RGPD8: variants seen among roughly 807,000 people sequenced by gnomAD.
RGPD8 encodes RANBP2 like and GRIP domain containing 8.
In RGPD8, 15 loss-of-function variants were observed where a neutral mutation model predicts 89.1. The ratio of observed to expected loss-of-function variants is 0.17; its 90% CI spans 0.11 to 0.26. The LOEUF (loss-of-function observed/expected upper bound fraction) is 0.26. RGPD8 is among the 10% of genes least tolerant of loss of function. RGPD8 has a pLI of 1.00. For synonymous variants in RGPD8, 62 were observed against 420.9 expected, an observed-to-expected ratio of 0.15 and a Z score of 10.44; for missense variants, 178 against 1,179.6, an observed-to-expected ratio of 0.15 and a Z score of 12.44.
In RGPD8 at chr2:112,433,280, G is replaced by C. The variant is rs1466499605; in HGVS notation, c.72+102C>G. ...AGCGCGCCAGGGAGCAGCGCCCGTC[G>C]GGAGCCATGACCCCTGACCCATCGA... On this transcript the variant is annotated intron_variant, in intron 1 of 22. Transcript: ENST00000302558. 8 of 1,291,920 alleles carry C rather than the reference G, an allele frequency of 6.2e-6. No individual in the cohort carries two copies. In the East Asian group the frequency reaches 1.7e-4, roughly 28 times the overall value. The allele number at this position is 1,291,920 out of a possible 1,614,324, so 80.0% of individuals were successfully genotyped here.
At chr2:112,417,151 A>G in intron 6 of RGPD8, 42 bp downstream of exon 6, 1 of 1,607,972 alleles carries the variant, frequency 6.2e-7, no homozygotes, top group Non-Finnish European at 8.5e-7. Flanking sequence ...AAAAAGAAAA[A>G]CTGCAATTTA....
intron 6 of RGPD8, among the ~76,000 whole-genome samples, chr2:112,416,105 A>AAG (rs1445042383): frequency 4.1e-3 from 604 of 146,802 alleles, no homozygotes; most frequent in African/African-American, 0.015. Flanking sequence ...AAAAAAAAAA[A>AAG]AAAAAAGAAA....
chr2:112,371,122 G>T (rs1441746272), intron 22 of RGPD8, among the ~76,000 whole-genome samples: 2 of 149,754 alleles, frequency 1.3e-5, no homozygotes, highest in East Asian at 3.9e-4. Context: ...AGATTTATGG[G>T]AAACCTTAAA....
chr2:112,426,080 T>C (rs1679756496), intron 1 of RGPD8, among the ~76,000 whole-genome samples: 1 of 151,914 alleles, frequency 6.6e-6, no homozygotes, highest in Admixed American at 6.6e-5. Flanking sequence ...AGATTTGTTC[T>C]TACCATAGAT....
intron 1 of RGPD8, among the ~76,000 whole-genome samples, chr2:112,428,054 A>G (rs1303138495): frequency 6.6e-6 from 1 of 152,304 alleles, no homozygotes; most frequent in Non-Finnish European, 1.5e-5. Context: ...TCCCAATTGA[A>G]AGGACACTTC....
chr2:112,390,039 A>G lies in RGPD8; in HGVS notation c.2906T>C (p.Phe969Ser), dbSNP rs1382785284. 1 of 1,579,302 alleles carries G rather than the reference A, an allele frequency of 6.3e-7. No homozygotes were observed. The highest frequency in any genetic ancestry group is 8.6e-7 in the Non-Finnish European group (1 of 1,157,930). Residue 969 changes from phenylalanine (F) to serine (S), a missense_variant, in exon 20 of 23, where the codon TTT (phenylalanine) becomes TCT (serine). Coordinates refer to ENST00000302558, the MANE Select transcript of RGPD8 (RefSeq NM_001164463.1). ...GVIFGQTSST[F>S]TFADVAKSTS... is the part of the protein sequence containing the mutation. ...TGATTTTGCAACATCTGCAAATGTA[A>G]AAGTGCTACTTGTTTGGCCAAAAAT...
rs777501035 is a variant in RGPD8, at chr2:112,380,913, G to T, written c.4972C>A (p.Leu1658Ile). The change falls in exon 21 of 23, where the codon CTC becomes ATC. Residue 1658 changes from leucine to isoleucine, a missense_variant. Leu to Ile is a conservative substitution (Grantham distance 5). Coordinates refer to ENST00000302558, the MANE Select transcript of RGPD8 (RefSeq NM_001164463.1). ...TCTGCACTTTTTGTGGTGGAACGGA[G>T]CTTCTGAACCAATTCTTCTTTGGTA... ...EFTKEELVQK[L>I]RSTTKSADHL... is the part of the protein sequence containing the mutation. The T allele has an allele frequency of 8.2e-7, 1 of 1,220,662 alleles. No individual in the cohort carries two copies. The highest frequency in any genetic ancestry group is 1.4e-5 in the South Asian group (1 of 73,276). 75.6% of individuals were successfully genotyped at this position (1,220,662 alleles called of 1,614,324 possible).
At chr2:112,423,979 G>A (rs544226581) in intron 2 of RGPD8, among the ~76,000 whole-genome samples, 60 of 152,282 alleles carry the variant, frequency 3.9e-4, no homozygotes, top group African/African-American at 1.4e-3. Context: ...TCCAACAGAA[G>A]ACAATTTTTA....
At chr2:112,374,769 A>C (rs796643143) in intron 22 of RGPD8, among the ~76,000 whole-genome samples, 1,250 of 118,638 alleles carry the variant, frequency 0.011, no homozygotes, top group East Asian at 0.033. Context: ...TAGTAAAAAC[A>C]TGTTTGATGT....
intron 1 of RGPD8, among the ~76,000 whole-genome samples, chr2:112,429,741 C>T (rs1358328343): frequency 2.0e-5 from 3 of 152,016 alleles, no homozygotes; most frequent in Admixed American, 6.5e-5. Context: ...ATCGACTTGA[C>T]AGAACATAGA....
At chr2:112,421,059 TG>T in intron 4 of RGPD8, among the ~76,000 whole-genome samples, 1 of 150,956 alleles carries the variant, frequency 6.6e-6, no homozygotes, top group East Asian at 1.9e-4. Context: ...AGCATTTCTT[TG>T]AGCATCATGT....
intron 1 of RGPD8, among the ~76,000 whole-genome samples, chr2:112,425,684 G>A (rs564349362): frequency 1.5e-4 from 23 of 151,508 alleles, no homozygotes; most frequent in Non-Finnish European, 2.7e-4. Context: ...ACTTGAACCC[G>A]GGAGGCAGAG....
Position 112,390,094 on chromosome 2 carries a change from T to C in RGPD8, c.2851A>G (p.Ile951Val), listed in dbSNP as rs1678637341. The change falls in exon 20 of 23, where the codon ATT (isoleucine) becomes GTT (valine). Residue 951 changes from isoleucine (I) to valine (V), a missense_variant. Physicochemically the swap from Ile to Val is conservative, Grantham distance 29. Coordinates refer to ENST00000302558, the MANE Select transcript of RGPD8 (RefSeq NM_001164463.1). ...CCACGGCCCTTCTTCCGGCCCCTAATATCCTGAGCCTGTAAGCCAGTATCA... is the reference window on the plus strand; with the variant it reads ...CCACGGCCCTTCTTCCGGCCCCTAACATCCTGAGCCTGTAAGCCAGTATCA... ...ENDTGLQAQD[I>V]RGRKKGRGVI... is the part of the protein sequence containing the mutation. 1 of 1,598,726 alleles carries C rather than the reference T, an allele frequency of 6.3e-7. No homozygotes were observed. The highest frequency in any genetic ancestry group is 1.4e-5 in the African/African-American group (1 of 73,380).
intron 1 of RGPD8, among the ~76,000 whole-genome samples, chr2:112,431,255 C>CA (rs1269448538): frequency 1.3e-4 from 20 of 151,390 alleles, no homozygotes; most frequent in African/African-American, 2.7e-4. Flanking sequence ...GACCCCACCT[C>CA]AAAAAAAATA....
intron 20 of RGPD8, among the ~76,000 whole-genome samples, chr2:112,382,246 A>G (rs1185237774): frequency 6.6e-6 from 1 of 152,270 alleles, no homozygotes; most frequent in Non-Finnish European, 1.5e-5. Flanking sequence ...CTTAATAAGC[A>G]TCCATCCATC....
At chr2:112,417,364 T>A (rs1390531634) in intron 5 of RGPD8, 26 bp from the exon 6 acceptor site, 1 of 1,604,738 alleles carries the variant, frequency 6.2e-7, no homozygotes, top group African/African-American at 1.4e-5. Context: ...AATAGTAAGT[T>A]ACAAAACTTA....
chr2:112,431,070 G>A (rs1447563102), intron 1 of RGPD8, among the ~76,000 whole-genome samples: 1 of 152,134 alleles, frequency 6.6e-6, no homozygotes, highest in East Asian at 1.9e-4. Flanking sequence ...TGGGCAACAT[G>A]GTGAAACCCA....
intron 21 of RGPD8, among the ~76,000 whole-genome samples, chr2:112,380,513 C>T (rs1218220307): frequency 6.7e-6 from 1 of 148,252 alleles, no homozygotes; most frequent in African/African-American, 2.5e-5. Context: ...ATTAGCCAGG[C>T]ATGTTGGCGG....
intron 22 of RGPD8, among the ~76,000 whole-genome samples, chr2:112,371,816 C>T (rs1416399173): frequency 2.1e-5 from 3 of 143,798 alleles, no homozygotes; most frequent in South Asian, 2.2e-4. Flanking sequence ...TGTTTTCATA[C>T]GTATATATGT....
Sources: allele counts gnomAD v4.1 joint callset (sites outside exome capture counted in the v4.1 genomes callset), GRCh38; gene constraint gnomAD v4.1.1; transcripts MANE v1.5; gene names NCBI Gene and HGNC (gene_info 2026-07-23, HGNC 2026-07-21).